The following TRAPPC9 variants were observed in gnomAD, a reference collection of about 807,000 sequenced individuals.
TRAPPC9 encodes the protein IKK2 binding protein.
A neutral mutation model predicts 124.0 loss-of-function variants in TRAPPC9; 83 were observed. That is an observed-to-expected ratio of 0.67 (90% CI 0.56 to 0.80). The LOEUF is 0.80. Ranked by LOEUF, TRAPPC9 falls within the 30% of genes least tolerant of loss-of-function variation. The pLI, the probability that TRAPPC9 is intolerant of heterozygous loss-of-function variation, is 0.00. For missense variants in TRAPPC9, 1,302 were observed against 1,508.3 expected, an observed-to-expected ratio of 0.86 and a Z score of 2.27; for synonymous variants, 638 against 617.5, an observed-to-expected ratio of 1.03 and a Z score of -0.49.
chr8:140,028,277 A>G (rs1471164567), intron 17 of TRAPPC9, among the ~76,000 whole-genome samples: 1 of 152,160 alleles, frequency 6.6e-6, no homozygotes, highest in Non-Finnish European at 1.5e-5. Context: ...GCATTTTTCA[A>G]TCCTTACTTT....
At chr8:140,451,700 TAAA>T (rs1247535125) in intron 1 of TRAPPC9, among the ~76,000 whole-genome samples, 2 of 152,290 alleles carry the variant, frequency 1.3e-5, no homozygotes, top group East Asian at 3.9e-4. Context: ...AGTGAATGAA[TAAA>T]CACGTGTGTA....
At chr8:140,033,658 G>GTTTTTTGTTTTTTTTTTTTGTTTTT (rs1563706552) in intron 17 of TRAPPC9, among the ~76,000 whole-genome samples, 2 of 42,366 alleles carry the variant, frequency 4.7e-5, no homozygotes, top group Non-Finnish European at 1.1e-4. Context: ...TCATAATGTG[G>GTTTTTTGTTTTTTTTTTTTGTTTTT]TTTTTTTTTT....
chr8:140,223,422 T>TTGGA (rs1292885076), intron 16 of TRAPPC9, among the ~76,000 whole-genome samples: 4 of 152,144 alleles, frequency 2.6e-5, no homozygotes, highest in Admixed American at 6.6e-5. Flanking sequence ...GTAAACTTGA[T>TTGGA]TGGATGGATG....
intron 9 of TRAPPC9, among the ~76,000 whole-genome samples, chr8:140,314,481 ATC>A (rs2066392454): frequency 6.6e-6 from 1 of 152,156 alleles, no homozygotes; most frequent in African/African-American, 2.4e-5. Flanking sequence ...TCTCTTCTAG[ATC>A]TTTTGAAATA....
At chr8:139,763,058 T>C (rs1820348082) in intron 21 of TRAPPC9, among the ~76,000 whole-genome samples, 1 of 152,234 alleles carries the variant, frequency 6.6e-6, no homozygotes, top group African/African-American at 2.4e-5. Flanking sequence ...GGCTGAAGCC[T>C]TCTTCATTCT....
intron 17 of TRAPPC9, among the ~76,000 whole-genome samples, chr8:140,196,199 A>C (rs1258459931): frequency 8.8e-4 from 68 of 77,630 alleles, no homozygotes; most frequent in Non-Finnish European, 8.6e-4. Context: ...CACCATACAG[A>C]TCACACCTGT....
At chr8:140,178,158 CA>C in intron 17 of TRAPPC9, among the ~76,000 whole-genome samples, 1 of 152,046 alleles carries the variant, frequency 6.6e-6, no homozygotes, top group Non-Finnish European at 1.5e-5. Flanking sequence ...CTATTCAGCA[CA>C]ATATGAAATA....
intron 8 of TRAPPC9, among the ~76,000 whole-genome samples, chr8:140,363,659 A>G (rs2068020470): frequency 6.6e-6 from 1 of 150,784 alleles, no homozygotes; most frequent in South Asian, 2.1e-4. Context: ...GTGCAATGCC[A>G]CGATCTTGGT....
chr8:140,395,387 T>G (rs2069060375), intron 7 of TRAPPC9, among the ~76,000 whole-genome samples: 1 of 152,178 alleles, frequency 6.6e-6, no homozygotes, highest in South Asian at 2.1e-4. Context: ...AAATACACTT[T>G]ACAGAAGAGG....
At chr8:139,920,072 G>A (rs1029489679) in intron 19 of TRAPPC9, among the ~76,000 whole-genome samples, 19 of 152,316 alleles carry the variant, frequency 1.2e-4, no homozygotes, top group African/African-American at 3.1e-4. Context: ...CCACTGGGGC[G>A]CGGTGGCTCA....
intron 16 of TRAPPC9, among the ~76,000 whole-genome samples, chr8:140,242,460 C>A (rs1188707175): frequency 6.6e-6 from 1 of 152,152 alleles, no homozygotes; most frequent in Admixed American, 6.5e-5. Context: ...AGGACTCTTG[C>A]CGGCACTTCC....
intron 5 of TRAPPC9, among the ~76,000 whole-genome samples, chr8:140,418,806 T>C (rs2070049399): frequency 6.6e-6 from 1 of 151,998 alleles, no homozygotes; most frequent in African/African-American, 2.4e-5. Flanking sequence ...ATATCCTCAA[T>C]AAAATATTAG....
At chr8:139,744,533 C>G (rs554668470) in intron 21 of TRAPPC9, among the ~76,000 whole-genome samples, 19 of 152,230 alleles carry the variant, frequency 1.2e-4, no homozygotes, top group Non-Finnish European at 1.9e-4. Context: ...GAGGCAGGCC[C>G]AGCTCTGCAC....
At chr8:140,210,621 C>A (rs2063037065) in intron 17 of TRAPPC9, among the ~76,000 whole-genome samples, 1 of 152,170 alleles carries the variant, frequency 6.6e-6, no homozygotes, top group East Asian at 1.9e-4. Flanking sequence ...CCCTTTCCCA[C>A]CCAGCAAACC....
intron 7 of TRAPPC9, among the ~76,000 whole-genome samples, chr8:140,372,088 C>A (rs2068298393): frequency 6.6e-6 from 1 of 152,170 alleles, no homozygotes; most frequent in South Asian, 2.1e-4. Context: ...TGTGAGCTGG[C>A]AAATAAGGAC....
At chr8:139,898,740 T>C (rs1830823692) in intron 20 of TRAPPC9, among the ~76,000 whole-genome samples, 1 of 152,160 alleles carries the variant, frequency 6.6e-6, no homozygotes, top group South Asian at 2.1e-4. Flanking sequence ...GCATATGTCA[T>C]ACCCCGCTCT....
At chr8:140,016,367 G>A (rs1373838525) in intron 18 of TRAPPC9, among the ~76,000 whole-genome samples, 1 of 152,114 alleles carries the variant, frequency 6.6e-6, no homozygotes. Flanking sequence ...GCTAGGGTGA[G>A]GGAATTTCAG....
Position 139,822,626 on chromosome 8 carries a change from G to GA in TRAPPC9, c.3055+63252_3055+63253insT, listed in dbSNP as rs113229080. On this transcript the variant is annotated intron_variant, in intron 21 of 22. Coordinates refer to ENST00000438773, the MANE Select transcript of TRAPPC9 (RefSeq NM_001160372.4). Reference sequence around the variant, plus strand: ...GAGAGCCAAGAGCCGTAGGATGGCGGGGGGGGGCTGCCTTGCCTCCATGGG... The same window carrying GA: ...GAGAGCCAAGAGCCGTAGGATGGCGGAGGGGGGGCTGCCTTGCCTCCATGGG... Among the ~76,000 whole-genome samples, 4 of 152,204 alleles carry GA rather than the reference G, an allele frequency of 2.6e-5. No individual in the cohort carries two copies. The South Asian group carries it at 6.2e-4, about 24-fold the overall frequency.
chr8:140,089,272 C>T (rs1844411544), intron 17 of TRAPPC9, among the ~76,000 whole-genome samples: 1 of 152,134 alleles, frequency 6.6e-6, no homozygotes, highest in Admixed American at 6.5e-5. Flanking sequence ...CCTCTTCTAT[C>T]CGCACGAATG....
Sources: gnomAD v4.1 joint callset for allele counts (sites outside exome capture counted in the v4.1 genomes callset) on GRCh38, gnomAD v4.1.1 for gene constraint, MANE v1.5 for transcripts, NCBI Gene and HGNC (gene_info 2026-07-23, HGNC 2026-07-21) for gene names.